The following EPB41L5 variants were observed in gnomAD, a reference collection of about 807,000 sequenced individuals.
EPB41L5 encodes erythrocyte membrane protein band 4.1 like 5, also known as band 4.1-like protein 5.
Under a neutral mutation model 106.6 loss-of-function variants are expected in EPB41L5, and 55 were observed. The observed-to-expected ratio is 0.52, with a 90% confidence interval of 0.42 to 0.65. The LOEUF (loss-of-function observed/expected upper bound fraction) is 0.65, where lower values mean the gene tolerates loss of function less well. Among genes scored for constraint, EPB41L5 ranks in the 30% least tolerant of loss-of-function variants. The pLI is 0.00. For synonymous variants in EPB41L5, 297 were observed against 306.7 expected (o/e 0.97, Z 0.33); for missense variants, 871 against 882.1 (o/e 0.99, Z 0.16).
chr2:120,172,676 T>C (rs1011565604), intron 24 of EPB41L5, among the ~76,000 whole-genome samples: 6 of 152,190 alleles, frequency 3.9e-5, no homozygotes, highest in African/African-American at 1.2e-4. Flanking sequence ...ATGTTCCTCT[T>C]TTTTATCCAA....
intron 1 of EPB41L5, among the ~76,000 whole-genome samples, chr2:120,015,941 A>AACTGTATTG (rs979000220): frequency 4.0e-5 from 6 of 151,882 alleles, no homozygotes; most frequent in South Asian, 2.1e-4. Flanking sequence ...AAAATAAAAC[A>AACTGTATTG]ACTGTATTGT....
In EPB41L5 at chr2:120,154,857, C is replaced by T. The variant is rs532424590; in HGVS notation, c.1794-6024C>T. Among the ~76,000 whole-genome samples, 85 of 152,012 alleles carry T rather than the reference C, an allele frequency of 5.6e-4. 1 individual carries two copies. The South Asian group carries it at 9.8e-3, about 17-fold the overall frequency. On this transcript the variant is annotated intron_variant, in intron 20 of 24. Coordinates refer to ENST00000263713, the MANE Select transcript of EPB41L5 (RefSeq NM_020909.4). ...AGGAGAATGGCGTGAACCTGGGAGG[C>T]GGAGCTTGCAGTGAGCCGAGATCGT...
At chr2:120,093,378 C>A in intron 14 of EPB41L5, 102 bp downstream of exon 14, 1 of 918,420 alleles carries the variant, frequency 1.1e-6, no homozygotes, top group Non-Finnish European at 1.8e-6. Context: ...GTCAAGTTGT[C>A]CGTAAAGCAC....
At chr2:120,045,765 A>G (rs1679725304) in intron 3 of EPB41L5, among the ~76,000 whole-genome samples, 1 of 152,110 alleles carries the variant, frequency 6.6e-6, no homozygotes, top group South Asian at 2.1e-4. Context: ...TGCTGCATCC[A>G]TAAACTTGTC....
At chr2:120,074,627 A>C (rs1225447425) in intron 5 of EPB41L5, among the ~76,000 whole-genome samples, 1 of 151,950 alleles carries the variant, frequency 6.6e-6, no homozygotes, top group Non-Finnish European at 1.5e-5. Flanking sequence ...TTTTGAATAA[A>C]CCTTATGTTG....
At chr2:120,040,327 C>T (rs1346991063) in intron 2 of EPB41L5, among the ~76,000 whole-genome samples, 1 of 152,108 alleles carries the variant, frequency 6.6e-6, no homozygotes. Flanking sequence ...AGTAACATTA[C>T]GAAGAAAGAA....
At chr2:120,046,971 A>G (rs574618793) in intron 3 of EPB41L5, among the ~76,000 whole-genome samples, 1 of 152,186 alleles carries the variant, frequency 6.6e-6, no homozygotes, top group East Asian at 1.9e-4. Flanking sequence ...AGATGGTTGT[A>G]GATGTGTGGT....
chr2:120,076,895 G>C, intron 7 of EPB41L5, 76 bp from the exon 8 acceptor site: 1 of 1,285,850 alleles, frequency 7.8e-7, no homozygotes, highest in Non-Finnish European at 1.1e-6. Flanking sequence ...TCTAATCTTA[G>C]CAGTTTTCAT....
chr2:120,041,102 A>G (rs1441341473), intron 2 of EPB41L5, among the ~76,000 whole-genome samples: 2 of 152,232 alleles, frequency 1.3e-5, no homozygotes, highest in African/African-American at 2.4e-5. Context: ...GTCTATTAAT[A>G]TAGCAACAAC....
In EPB41L5 at chr2:120,019,061, C is replaced by T. The variant is rs774059906; in HGVS notation, c.-8-16C>T. ...ATTTTTTTCCTGATGCCATCTTTTT[C>T]TCTCTGTTTTTATAGTGACAAAAAT... On this transcript the variant is annotated splice_polypyrimidine_tract_variant and intron_variant, in intron 1 of 24. Coordinates refer to ENST00000263713, the MANE Select transcript of EPB41L5 (RefSeq NM_020909.4). The T allele has an allele frequency of 1.3e-4, 204 of 1,569,132 alleles. No individual in the cohort carries two copies. Among genetic ancestry groups the T allele is most frequent in the Non-Finnish European group, 1.6e-4 (189 of 1,160,002 alleles).
intron 2 of EPB41L5, among the ~76,000 whole-genome samples, chr2:120,027,925 C>T (rs1205186602): frequency 2.6e-5 from 4 of 151,836 alleles, no homozygotes; most frequent in East Asian, 1.9e-4. Context: ...TGCAGTGGTG[C>T]GATCTCGGCT....
At chr2:120,114,258 C>T (rs1159203902) in intron 16 of EPB41L5, among the ~76,000 whole-genome samples, 5 of 152,068 alleles carry the variant, frequency 3.3e-5, no homozygotes, top group African/African-American at 9.7e-5. Context: ...GAAGTATCTA[C>T]AGACAGTTTC....
intron 16 of EPB41L5, among the ~76,000 whole-genome samples, chr2:120,101,060 A>C (rs1684114083): frequency 6.6e-6 from 1 of 152,240 alleles, no homozygotes; most frequent in Non-Finnish European, 1.5e-5. Context: ...ATTTGAAACA[A>C]AACGTTAATA....
rs139599074 is a variant in EPB41L5 at position 120,131,599 on chromosome 2, C to CTT, written c.1502-10_1502-9dup. On this transcript the variant is annotated intron_variant, in intron 17 of 24. Coordinates refer to ENST00000263713, the MANE Select transcript of EPB41L5 (RefSeq NM_020909.4). The stretch of plus-strand genomic sequence containing the variant: ...GCCTGGCAGACTGGGGTTATTTTGC[C>CTT]TTTTTTTTTTCTTTTCAGCATTAAA... 72 of 1,341,636 alleles carry CTT rather than the reference C, an allele frequency of 5.4e-5. No homozygotes were observed. The African/African-American group carries it at 8.8e-4, about 16-fold the overall frequency. The allele number at this position is 1,341,636 out of a possible 1,614,324, so 83.1% of individuals were successfully genotyped here.
At chr2:120,138,683 G>A (rs577345645) in intron 18 of EPB41L5, among the ~76,000 whole-genome samples, 1 of 151,958 alleles carries the variant, frequency 6.6e-6, no homozygotes, top group Non-Finnish European at 1.5e-5. Context: ...AGATATCGAA[G>A]AGGACACAAA....
intron 2 of EPB41L5, among the ~76,000 whole-genome samples, chr2:120,035,443 T>G (rs1163702293): frequency 1.3e-5 from 2 of 152,196 alleles, no homozygotes; most frequent in Admixed American, 1.3e-4. Context: ...GGCAGGGGCT[T>G]ACCTGTTTTG....
intron 2 of EPB41L5, among the ~76,000 whole-genome samples, chr2:120,025,429 G>C (rs1678237423): frequency 1.3e-5 from 2 of 150,932 alleles, no homozygotes; most frequent in African/African-American, 4.9e-5. Flanking sequence ...CCTTTATTTT[G>C]AGCCTATGTG....
rs1687988054 is a variant in EPB41L5, at chr2:120,178,307, A to G, written c.*3400A>G. ...TTGGAGGCAGCCAACACTTCTGGAC[A>G]TTGCATCCTTATTCACACATGTGGC... On this transcript the variant is annotated 3_prime_UTR_variant, in exon 25 of 25. Transcript: ENST00000263713. The G allele has an allele frequency of 6.6e-6, 1 of 152,304 alleles. No homozygotes were observed. The highest frequency in any genetic ancestry group is 6.5e-5 in the Admixed American group (1 of 15,286). The allele number at this position is 152,304 out of a possible 1,614,324, so 9.4% of individuals were successfully genotyped here.
In EPB41L5 at chr2:120,131,737, A is replaced by G. The variant is rs375202951; in HGVS notation, c.1599+22A>G. 9 of 1,538,880 alleles carry G rather than the reference A, an allele frequency of 5.8e-6. No individual in the cohort carries two copies. The African/African-American group carries it at 9.5e-5, about 16-fold the overall frequency. Reference sequence around the variant, plus strand: ...CCAGGTATTCAGATTTCCCCTGTGTATACCTGTTACACATCTCCAGAGCTC... The same window carrying G: ...CCAGGTATTCAGATTTCCCCTGTGTGTACCTGTTACACATCTCCAGAGCTC... On this transcript the variant is annotated intron_variant, in intron 18 of 24. Coordinates refer to ENST00000263713, the MANE Select transcript of EPB41L5 (RefSeq NM_020909.4).
Sources: gnomAD v4.1 joint callset for allele counts (sites outside exome capture counted in the v4.1 genomes callset) on GRCh38, gnomAD v4.1.1 for gene constraint, MANE v1.5 for transcripts, NCBI Gene and HGNC (gene_info 2026-07-23, HGNC 2026-07-21) for gene names.